The following FER1L6 variants were observed in gnomAD, a reference collection of about 807,000 sequenced individuals.
FER1L6 encodes fer-1-like protein 6.
In FER1L6, 177 loss-of-function variants were observed where a neutral mutation model predicts 219.2. The ratio of observed to expected loss-of-function variants is 0.81; its 90% CI spans 0.71 to 0.91. The LOEUF is 0.91. Among genes scored for constraint, FER1L6 ranks in the 40% least tolerant of loss-of-function variants. The pLI, the probability that FER1L6 is intolerant of heterozygous loss-of-function variation, is 0.00. For synonymous variants in FER1L6, 768 were observed against 824.3 expected, an observed-to-expected ratio of 0.93 and a Z score of 1.17; for missense variants, 2,153 against 2,259.9, an observed-to-expected ratio of 0.95 and a Z score of 0.96.
intron 20 of FER1L6, among the ~76,000 whole-genome samples, chr8:124,044,478 G>A (rs139840845): frequency 3.9e-5 from 6 of 152,286 alleles, no homozygotes; most frequent in African/African-American, 1.4e-4. Flanking sequence ...ATGACTTAAT[G>A]CTGTGACTAG....
chr8:124,110,850 T>C (rs1822991397), intron 39 of FER1L6, among the ~76,000 whole-genome samples: 1 of 152,192 alleles, frequency 6.6e-6, no homozygotes, highest in African/African-American at 2.4e-5. Flanking sequence ...CAGAGATTTT[T>C]TAAACATATT....
At chr8:123,923,868 A>G (rs981049437) in intron 1 of FER1L6, among the ~76,000 whole-genome samples, 1 of 148,536 alleles carries the variant, frequency 6.7e-6, no homozygotes, top group African/African-American at 2.5e-5. Flanking sequence ...ACTGGGACCC[A>G]GGAGGCAGCT....
At chr8:123,931,857 T>C (rs973727346) in intron 1 of FER1L6, among the ~76,000 whole-genome samples, 9 of 152,226 alleles carry the variant, frequency 5.9e-5, no homozygotes, top group Non-Finnish European at 8.8e-5. Flanking sequence ...GTATAAGCCA[T>C]AATTTTAGGG....
At chr8:124,025,379 G>A (rs114533479) in intron 18 of FER1L6, among the ~76,000 whole-genome samples, 1 of 151,940 alleles carries the variant, frequency 6.6e-6, no homozygotes, top group African/African-American at 2.4e-5. Context: ...AGAGATCCAG[G>A]TTCATTCTTC....
At position 123,859,317 on chromosome 8, in the gene FER1L6, A is replaced by G. The variant is rs1011144031; in HGVS notation, c.-8+7132A>G. Among the ~76,000 whole-genome samples the G allele has an allele frequency of 3.3e-5, 5 of 152,150 alleles. No individual in the cohort carries two copies. The South Asian group carries it at 8.3e-4, about 25-fold the overall frequency. ...TGCCTAGCCTATTTATTTATTTTCA[A>G]TGTGATGTTTTGATCTATGTGTACA... On this transcript the variant is annotated intron_variant, in intron 1 of 40. Coordinates refer to ENST00000522917, the MANE Select transcript of FER1L6 (RefSeq NM_001039112.2).
chr8:124,005,575 T>C (rs1265232266), intron 13 of FER1L6, among the ~76,000 whole-genome samples: 6 of 152,204 alleles, frequency 3.9e-5, no homozygotes, highest in South Asian at 2.1e-4. Flanking sequence ...ATTGAAGACT[T>C]TTTACCTGTC....
intron 1 of FER1L6, among the ~76,000 whole-genome samples, chr8:123,876,226 C>T (rs1038640844): frequency 2.0e-4 from 31 of 152,166 alleles, no homozygotes; most frequent in African/African-American, 6.5e-4. Context: ...TTTCTCAGGG[C>T]CTTGCACTGG....
At chr8:123,953,729 G>A (rs1163231580) in intron 1 of FER1L6, among the ~76,000 whole-genome samples, 1 of 152,168 alleles carries the variant, frequency 6.6e-6, no homozygotes, top group Admixed American at 6.5e-5. Context: ...TCATTTAGTT[G>A]CTTCAAGCAG....
chr8:124,013,475 G>T lies in FER1L6; in HGVS notation c.1866G>T (p.Gln622His). The change falls in exon 15 of 41, where the codon CAG (glutamine) becomes CAT (histidine). Residue 622 changes from glutamine (Q) to histidine (H), a missense_variant. Physicochemically the swap from Gln to His is conservative, Grantham distance 24 (BLOSUM62 0). Coordinates refer to ENST00000522917, the MANE Select transcript of FER1L6 (RefSeq NM_001039112.2). ...TGAGAGAATTGATCAAGATTTCACA[G>T]GAGGCACCTGAAGAGAAAATGAAAA... ...EEVRELIKIS[Q>H]EAPEEKMKTV... 3 of 1,610,576 alleles carry T rather than the reference G, an allele frequency of 1.9e-6. No homozygotes were observed. Among genetic ancestry groups the T allele is most frequent in the Non-Finnish European group, 2.5e-6 (3 of 1,179,110 alleles).
rs1350287990 is a variant in FER1L6, at chr8:124,094,926, C to T, written c.4583C>T (p.Ala1528Val). 6.8e-6 allele frequency: 11 copies of T among 1,613,986 alleles called. No homozygotes were observed. The highest frequency in any genetic ancestry group is 3.3e-4 in the Middle Eastern group (2 of 6,084). Residue 1528 changes from alanine to valine, a missense_variant, in exon 35 of 41, where the codon GCC becomes GTC. By Grantham distance (64) the Ala-to-Val change is moderately conservative (BLOSUM62 0). Transcript: ENST00000522917. ...ACAGTGGAGTCTTATGAACACCTGG[C>T]CCTCAAGGTTTTACACTCTTGGGAG... ...DETVESYEHLALKVLHSWEDI... is the reference protein window; with the variant it reads ...DETVESYEHLVLKVLHSWEDI...
Position 124,033,265 on chromosome 8 carries a change from T to C in FER1L6, c.2287-2012T>C, listed in dbSNP as rs1166030639. ...CAACAGACAAAAATTCCTTTCTTTA[T>C]GAATTGATGTCTTAGTGATGTCTAC... is the stretch of plus-strand genomic sequence containing the variant. On this transcript the variant is annotated intron_variant, in intron 18 of 40. Coordinates refer to ENST00000522917, the MANE Select transcript of FER1L6 (RefSeq NM_001039112.2). 6.6e-5 allele frequency among the ~76,000 whole-genome samples: 10 copies of C among 152,208 alleles called. 2 individuals are homozygous for C. Among genetic ancestry groups the C allele is most frequent in the Admixed American group, 5.2e-4 (8 of 15,280 alleles).
At position 124,095,028 on chromosome 8, in the gene FER1L6, G is replaced by A; in HGVS notation, c.4685G>A (p.Gly1562Glu). The A allele has an allele frequency of 6.2e-7, 1 of 1,614,106 alleles. No homozygotes were observed. Residue 1562 changes from glycine to glutamate, a missense_variant, in exon 35 of 41, where the codon GGA (glycine) becomes GAA (glutamate). Gly to Glu is a moderately conservative substitution (Grantham distance 98). Coordinates refer to ENST00000522917, the MANE Select transcript of FER1L6 (RefSeq NM_001039112.2). ...TRPLYHKDKP[G>E]MEQGRLQMWV... Reference sequence around the variant, plus strand: ...CCACTGTACCACAAGGATAAGCCAGGAATGGAGCAGGTAGTGGGCAAGACT... The same window carrying A: ...CCACTGTACCACAAGGATAAGCCAGAAATGGAGCAGGTAGTGGGCAAGACT...
intron 22 of FER1L6, among the ~76,000 whole-genome samples, 177 bp downstream of exon 22, chr8:124,049,933 C>T (rs1407771716): frequency 2.0e-5 from 3 of 152,290 alleles, no homozygotes; most frequent in Non-Finnish European, 2.9e-5. Context: ...TTGGACTATT[C>T]CCAGATACCC....
In FER1L6 at chr8:123,996,509, CTA is replaced by C. The variant is rs373992506; in HGVS notation, c.1520-6656_1520-6655del. On this transcript the variant is annotated intron_variant, in intron 12 of 40. Coordinates refer to ENST00000522917, the MANE Select transcript of FER1L6 (RefSeq NM_001039112.2). ...TATCCTTTTTCATTTTTCTCAGTCT[CTA>C]TGTGTATTTATAAGTGAAGTGTGTT... Among the ~76,000 whole-genome samples the C allele has an allele frequency of 3.0e-4, 45 of 152,082 alleles. 1 individual carries two copies. In the South Asian group the frequency reaches 8.5e-3, roughly 29 times the overall value.
intron 22 of FER1L6, among the ~76,000 whole-genome samples, chr8:124,057,598 T>G (rs1586649435): frequency 6.6e-6 from 1 of 152,294 alleles, no homozygotes; most frequent in East Asian, 1.9e-4. Flanking sequence ...CCTTTTCTCC[T>G]TTCCTTGCCT....
At chr8:123,995,237 A>C (rs951879824) in intron 12 of FER1L6, among the ~76,000 whole-genome samples, 1 of 152,228 alleles carries the variant, frequency 6.6e-6, no homozygotes, top group African/African-American at 2.4e-5. Flanking sequence ...TCAGTCCACC[A>C]TCTTGAAAAA....
chr8:124,073,981 G>A (rs1821178736), intron 31 of FER1L6, among the ~76,000 whole-genome samples: 1 of 152,166 alleles, frequency 6.6e-6, no homozygotes, highest in Non-Finnish European at 1.5e-5. Context: ...ATTAAACAGT[G>A]TTCTAGTGAA....
At chr8:123,946,457 T>C (rs1158836376) in intron 1 of FER1L6, among the ~76,000 whole-genome samples, 1 of 152,208 alleles carries the variant, frequency 6.6e-6, no homozygotes, top group African/African-American at 2.4e-5. Context: ...TTTTGCCATG[T>C]TGGCCAGGCT....
intron 22 of FER1L6, among the ~76,000 whole-genome samples, chr8:124,052,945 TA>T (rs1479085731): frequency 3.9e-5 from 6 of 152,172 alleles, no homozygotes; most frequent in Non-Finnish European, 8.8e-5. Flanking sequence ...TTTTTAAAAA[TA>T]AAAGTGTCGA....
Sources: allele counts gnomAD v4.1 joint callset (sites outside exome capture counted in the v4.1 genomes callset), GRCh38; gene constraint gnomAD v4.1.1; transcripts MANE v1.5; gene names NCBI Gene and HGNC (gene_info 2026-07-23, HGNC 2026-07-21).